PCDHA4: variants seen among roughly 807,000 people sequenced by gnomAD.
The protein encoded by PCDHA4 is protocadherin alpha 4.
PCDHA4 carries 49 observed loss-of-function variants against 61.4 expected under a neutral mutation model. The ratio of observed to expected loss-of-function variants is 0.80; its 90% CI spans 0.63 to 1.01. The LOEUF (loss-of-function observed/expected upper bound fraction) is 1.01. Ranked by LOEUF, PCDHA4 falls within the 50% of genes least tolerant of loss-of-function variation. The probability of loss-of-function intolerance (pLI) is 0.00; values close to 1 mark genes in which losing one functional copy is unlikely to be tolerated. For synonymous variants in PCDHA4, 590 were observed against 550.3 expected, an observed-to-expected ratio of 1.07 and a Z score of -1.01; for missense variants, 1,254 against 1,235.8, an observed-to-expected ratio of 1.01 and a Z score of -0.22.
intron 1 of PCDHA4, among the ~76,000 whole-genome samples, chr5:140,886,712 G>A (rs950364984): frequency 1.3e-5 from 2 of 151,798 alleles, no homozygotes; most frequent in Middle Eastern, 3.4e-3. Flanking sequence ...TGTAATCCCA[G>A]CTACTTGGGA....
intron 1 of PCDHA4, chr5:140,877,951 G>A (rs1562741853): frequency 7.4e-7 from 1 of 1,344,742 alleles, no homozygotes; most frequent in Non-Finnish European, 9.7e-7. Context: ...ACTATCGAAT[G>A]TCTCATCTTT....
chr5:140,822,122 T>C (rs2150113817), intron 1 of PCDHA4: 12 of 1,614,232 alleles, frequency 7.4e-6, no homozygotes, highest in Non-Finnish European at 1.0e-5. Context: ...CTGCAGGTTT[T>C]CCATGTGGAG....
At chr5:140,910,213 G>C (rs1375224674) in intron 1 of PCDHA4, among the ~76,000 whole-genome samples, 1 of 152,170 alleles carries the variant, frequency 6.6e-6, no homozygotes, top group African/African-American at 2.4e-5. Flanking sequence ...TGACCTGGAA[G>C]TTTTCTGCTT....
At chr5:140,838,382 C>T (rs189980882) in intron 1 of PCDHA4, among the ~76,000 whole-genome samples, 2 of 151,494 alleles carry the variant, frequency 1.3e-5, no homozygotes, top group East Asian at 3.9e-4. Flanking sequence ...CCTCAGCCTC[C>T]CAATGTGCTG....
chr5:140,999,854 C>T (rs1459226420), intron 3 of PCDHA4, among the ~76,000 whole-genome samples: 4 of 152,112 alleles, frequency 2.6e-5, no homozygotes, highest in Admixed American at 1.3e-4. Context: ...TTATCTCTTC[C>T]GCTCCAAGAT....
intron 1 of PCDHA4, among the ~76,000 whole-genome samples, chr5:140,978,243 C>T (rs2096793691): frequency 6.6e-6 from 1 of 152,170 alleles, no homozygotes; most frequent in South Asian, 2.1e-4. Context: ...ATTTCAGCTA[C>T]TCCCTGTTAA....
intron 1 of PCDHA4, chr5:140,849,708 T>C (rs2150445968): frequency 6.3e-7 from 1 of 1,598,586 alleles, no homozygotes; most frequent in East Asian, 2.2e-5. Flanking sequence ...CAAGAATTAC[T>C]ACTCGTTGGT....
chr5:140,847,915 T>C (rs1166954389), intron 1 of PCDHA4: 1 of 150,482 alleles, frequency 6.6e-6, no homozygotes, highest in Non-Finnish European at 1.5e-5. Flanking sequence ...TGGGCTCCTA[T>C]ATTCACTAGA....
At chr5:140,948,018 T>A (rs1308826509) in intron 1 of PCDHA4, among the ~76,000 whole-genome samples, 1 of 151,290 alleles carries the variant, frequency 6.6e-6, no homozygotes, top group Non-Finnish European at 1.5e-5. Context: ...GAAGTACCCT[T>A]TCTGGTTTGC....
At chr5:141,004,698 T>C (rs2098177351) in intron 3 of PCDHA4, among the ~76,000 whole-genome samples, 1 of 152,222 alleles carries the variant, frequency 6.6e-6, no homozygotes, top group East Asian at 1.9e-4. Context: ...AACCCAGTTT[T>C]AGGTGCCGAA....
At chr5:140,876,775 C>A (rs373638459) in intron 1 of PCDHA4, 3 of 1,614,130 alleles carry the variant, frequency 1.9e-6, no homozygotes, top group Non-Finnish European at 1.7e-6. Flanking sequence ...CTCGCCTTCG[C>A]TGTGGGCCAC....
At chr5:140,946,872 T>C (rs983892070) in intron 1 of PCDHA4, among the ~76,000 whole-genome samples, 7 of 151,402 alleles carry the variant, frequency 4.6e-5, no homozygotes, top group Admixed American at 1.3e-4. Flanking sequence ...GGTTGGTCAA[T>C]GGGTACGAAG....
rs1265015709 is a variant in PCDHA4 at position 140,843,042 on chromosome 5, G to A, written c.2385+33470G>A. The A allele has an allele frequency of 6.3e-7, 1 of 1,595,054 alleles. No individual in the cohort carries two copies. The highest frequency in any genetic ancestry group is 8.6e-7 in the Non-Finnish European group (1 of 1,165,358). On this transcript the variant is annotated intron_variant, in intron 1 of 3. Transcript: ENST00000530339. ...CTGGAGCCTCGGGTGGGTGGCACTG[G>A]TGGCGCAGCGAGCAAGCTGGTGCCG... is the stretch of plus-strand genomic sequence containing the variant.
intron 3 of PCDHA4, among the ~76,000 whole-genome samples, chr5:140,996,553 A>C (rs868960335): frequency 1.3e-5 from 2 of 152,172 alleles, no homozygotes; most frequent in African/African-American, 2.4e-5. Flanking sequence ...TGCTGTCACT[A>C]TCTTGAAGTT....
rs188762939 is a variant in PCDHA4 at position 140,839,461 on chromosome 5, C to T, written c.2385+29889C>T. Among the ~76,000 whole-genome samples, 181 of 152,038 alleles carry T rather than the reference C, an allele frequency of 1.2e-3. 3 individuals carry two copies. Among genetic ancestry groups the T allele is most frequent in the Middle Eastern group, 3.4e-3 (1 of 294 alleles). On this transcript the variant is annotated intron_variant, in intron 1 of 3. Transcript: ENST00000530339. The stretch of plus-strand genomic sequence containing the variant: ...CTGCAGTGCAGTGGCACAATCTGGG[C>T]TTACTGCAATCTCTGCCTCCTGGGC...
intron 1 of PCDHA4, chr5:140,883,057 G>A (rs781846985): frequency 1.2e-6 from 2 of 1,614,006 alleles, no homozygotes; most frequent in South Asian, 1.1e-5. Flanking sequence ...TAGTGATCAA[G>A]CTAAATGCCA....
chr5:140,851,098 T>G lies in PCDHA4; in HGVS notation c.2385+41526T>G, dbSNP rs922217993. ...TAAACTGTATATTAAATAGATATTT[T>G]TTGGGTGCTGAATCAATTTTATTTA... On this transcript the variant is annotated intron_variant, in intron 1 of 3. Transcript: ENST00000530339. The G allele has an allele frequency of 1.5e-6, 2 of 1,293,414 alleles. 1 individual carries two copies. The highest frequency in any genetic ancestry group is 3.1e-5 in the African/African-American group (2 of 65,490). 80.1% of individuals were successfully genotyped at this position (1,293,414 alleles called of 1,614,324 possible).
intron 1 of PCDHA4, among the ~76,000 whole-genome samples, chr5:140,921,194 A>T (rs187774850): frequency 1.3e-5 from 2 of 152,046 alleles, no homozygotes; most frequent in Admixed American, 1.3e-4. Context: ...TTCACAATAG[A>T]TTGACAACGA....
At chr5:140,911,153 C>T (rs921838811) in intron 1 of PCDHA4, among the ~76,000 whole-genome samples, 2 of 152,048 alleles carry the variant, frequency 1.3e-5, no homozygotes, top group Non-Finnish European at 2.9e-5. Flanking sequence ...TCTCCTCAGA[C>T]AAATGTGGAA....
Sources: gnomAD v4.1 joint callset for allele counts (sites outside exome capture counted in the v4.1 genomes callset) on GRCh38, gnomAD v4.1.1 for gene constraint, MANE v1.5 for transcripts, NCBI Gene and HGNC (gene_info 2026-07-23, HGNC 2026-07-21) for gene names.